B4GALT1: variants seen among roughly 807,000 people sequenced by gnomAD.
B4GALT1 encodes the protein N-acetyllactosamine synthase.
Under a neutral mutation model 34.9 loss-of-function variants are expected in B4GALT1, and 16 were observed. That is an observed-to-expected ratio of 0.46 (90% CI 0.31 to 0.70). The LOEUF is 0.70. Among genes scored for constraint, B4GALT1 ranks in the 30% least tolerant of loss-of-function variants. The pLI, the probability that B4GALT1 is intolerant of heterozygous loss-of-function variation, is 0.05. For synonymous variants in B4GALT1, 221 were observed against 218.1 expected (o/e 1.01, Z -0.12); for missense variants, 445 against 530.5 (o/e 0.84, Z 1.58).
chr9:33,180,325 C>G, the B4GALT1 span, among the ~76,000 whole-genome samples: 4 of 152,238 alleles, frequency 2.6e-5, no homozygotes, highest in East Asian at 7.7e-4. Context: ...GCATTCCAGC[C>G]GGGGTCTAAG....
the B4GALT1 span, among the ~76,000 whole-genome samples, chr9:33,181,768 T>G: frequency 6.6e-6 from 1 of 152,178 alleles, no homozygotes; most frequent in Non-Finnish European, 1.5e-5. Flanking sequence ...AGTAAAAGGC[T>G]TTTCCTTTCC....
At chr9:33,162,375 C>A (rs889981122) in intron 1 of B4GALT1, among the ~76,000 whole-genome samples, 4 of 152,090 alleles carry the variant, frequency 2.6e-5, no homozygotes, top group African/African-American at 9.7e-5. Flanking sequence ...GCCTCCCCTG[C>A]CTAAATTAAG....
intron 2 of B4GALT1, among the ~76,000 whole-genome samples, chr9:33,129,554 C>T (rs571297898): frequency 4.3e-4 from 65 of 152,312 alleles, no homozygotes; most frequent in African/African-American, 1.5e-3. Flanking sequence ...AGAGAAGCCC[C>T]GTGCTCCACT....
chr9:33,113,354 C>T lies in B4GALT1; in HGVS notation c.*100G>A. The T allele has an allele frequency of 7.7e-6, 12 of 1,554,348 alleles. 1 individual carries two copies. Among genetic ancestry groups the T allele is most frequent in the East Asian group, 4.5e-5 (2 of 44,568 alleles). ...TGATGAGCGAAGGGGACCTGTCACT[C>T]AGACTGGTAAAAATGAGAGGGACCA... is the stretch of plus-strand genomic sequence containing the variant. On this transcript the variant is annotated 3_prime_UTR_variant, in exon 6 of 6. Coordinates refer to ENST00000379731, the MANE Select transcript of B4GALT1 (RefSeq NM_001497.4).
At chr9:33,150,260 A>ACG (rs1840493083) in intron 1 of B4GALT1, among the ~76,000 whole-genome samples, 1 of 151,012 alleles carries the variant, frequency 6.6e-6, no homozygotes. Context: ...ACACACACAC[A>ACG]CACACAGAGC....
rs187956904 is a variant in B4GALT1, at chr9:33,114,597, G to A, written c.960-719C>T. 1.8e-3 allele frequency among the ~76,000 whole-genome samples: 281 copies of A among 152,284 alleles called. 3 individuals are homozygous for A. The highest frequency in any genetic ancestry group is 6.5e-3 in the African/African-American group (270 of 41,576). On this transcript the variant is annotated intron_variant, in intron 4 of 5. Coordinates refer to ENST00000379731, the MANE Select transcript of B4GALT1 (RefSeq NM_001497.4). ...GAGGGCTTCAGAACATGTGGGAAAA[G>A]GCAGAAAAAAACAAATGGAGGGCTG...
chr9:33,154,941 C>T (rs1193793362), intron 1 of B4GALT1, among the ~76,000 whole-genome samples: 9 of 152,134 alleles, frequency 5.9e-5, no homozygotes, highest in Non-Finnish European at 1.3e-4. Flanking sequence ...ATTGGACACC[C>T]CTGGGTCTTA....
At chr9:33,178,569 C>T in the B4GALT1 span, among the ~76,000 whole-genome samples, 1 of 152,178 alleles carries the variant, frequency 6.6e-6, no homozygotes. Context: ...CTCCTCTCAC[C>T]CCTTTATCCC....
intron 1 of B4GALT1, among the ~76,000 whole-genome samples, chr9:33,158,780 A>G (rs1261744990): frequency 6.6e-6 from 1 of 152,166 alleles, no homozygotes; most frequent in African/African-American, 2.4e-5. Context: ...TGACCACACC[A>G]TATTGCCAGA....
intron 2 of B4GALT1, among the ~76,000 whole-genome samples, chr9:33,131,929 G>A (rs1290905508): frequency 6.6e-6 from 1 of 152,048 alleles, no homozygotes. Flanking sequence ...GTATGGCAGA[G>A]TTTAAGCATT....
chr9:33,143,017 T>C (rs924098967), intron 1 of B4GALT1, among the ~76,000 whole-genome samples: 2 of 152,152 alleles, frequency 1.3e-5, no homozygotes, highest in African/African-American at 4.8e-5. Context: ...TGGTGGCACT[T>C]GCCTGTGATC....
chr9:33,145,559 A>C (rs1840413136), intron 1 of B4GALT1, among the ~76,000 whole-genome samples: 1 of 152,176 alleles, frequency 6.6e-6, no homozygotes. Flanking sequence ...ACCCTAGAGA[A>C]TCCTGGCAGA....
At chr9:33,105,863 C>T (rs1050237440), downstream of B4GALT1, among the ~76,000 whole-genome samples, 2 of 140,548 alleles carry the variant, frequency 1.4e-5, no homozygotes, top group South Asian at 2.3e-4. Flanking sequence ...TTTGTTTATC[C>T]ATCAATGGAC....
chr9:33,123,237 C>A (rs1294614257), intron 2 of B4GALT1, among the ~76,000 whole-genome samples: 1 of 133,084 alleles, frequency 7.5e-6, no homozygotes, highest in East Asian at 2.2e-4. Flanking sequence ...AAGATTGCGC[C>A]ACTGCACTCC....
chr9:33,157,424 G>A (rs1840611972), intron 1 of B4GALT1, among the ~76,000 whole-genome samples: 1 of 152,080 alleles, frequency 6.6e-6, no homozygotes, highest in South Asian at 2.1e-4. Context: ...GATTATCGAC[G>A]ATAGTGAAAC....
chr9:33,167,931 T>C (rs1024407887), upstream of B4GALT1, among the ~76,000 whole-genome samples: 2 of 152,238 alleles, frequency 1.3e-5, no homozygotes, highest in African/African-American at 2.4e-5. Context: ...GCAAAGAAAG[T>C]GGACGGGTTG....
upstream of B4GALT1, among the ~76,000 whole-genome samples, chr9:33,167,954 C>T (rs1840797191): frequency 6.6e-6 from 1 of 152,236 alleles, no homozygotes; most frequent in Non-Finnish European, 1.5e-5. Flanking sequence ...ACTTCTGTGC[C>T]TCCCCATCAG....
chr9:33,139,504 C>A (rs764999327), intron 1 of B4GALT1, among the ~76,000 whole-genome samples: 1 of 152,196 alleles, frequency 6.6e-6, no homozygotes, highest in African/African-American at 2.4e-5. Flanking sequence ...GCAGCTCACA[C>A]CTTTGAGACA....
At chr9:33,163,668 G>C (rs568443739) in intron 1 of B4GALT1, among the ~76,000 whole-genome samples, 2 of 152,336 alleles carry the variant, frequency 1.3e-5, no homozygotes, top group South Asian at 4.1e-4. Flanking sequence ...TAAACATGAC[G>C]GGGGAAGAAG....
Sources: allele counts gnomAD v4.1 joint callset (sites outside exome capture counted in the v4.1 genomes callset), GRCh38; gene constraint gnomAD v4.1.1; transcripts MANE v1.5; gene names NCBI Gene and HGNC (gene_info 2026-07-23, HGNC 2026-07-21).